WWTR1: variants seen among roughly 807,000 people sequenced by gnomAD.
The protein encoded by WWTR1 is WW domain containing transcription regulator 1, also known as WW domain-containing transcription regulator protein 1.
Under a neutral mutation model 40.1 loss-of-function variants are expected in WWTR1, and 13 were observed. That is an observed-to-expected ratio of 0.32 (90% CI 0.21 to 0.52). The LOEUF is 0.52. Ranked by LOEUF, WWTR1 falls within the 20% of genes least tolerant of loss-of-function variation. The probability of loss-of-function intolerance (pLI) is 0.97; values close to 1 mark genes in which losing one functional copy is unlikely to be tolerated. For missense variants in WWTR1, 436 were observed against 523.1 expected (o/e 0.83, Z 1.63); for synonymous variants, 230 against 210.1 (o/e 1.09, Z -0.82).
At chr3:149,625,336 T>C (rs1319629562) in intron 2 of WWTR1, among the ~76,000 whole-genome samples, 1 of 151,624 alleles carries the variant, frequency 6.6e-6, no homozygotes, top group Non-Finnish European at 1.5e-5. Context: ...GCCAGGATGG[T>C]CTCGATCTCC....
chr3:149,522,426 A>G (rs1404747341), intron 6 of WWTR1, among the ~76,000 whole-genome samples: 1 of 152,230 alleles, frequency 6.6e-6, no homozygotes, highest in Non-Finnish European at 1.5e-5. Flanking sequence ...GTAACATTTT[A>G]CAGTATTTTC....
intron 2 of WWTR1, among the ~76,000 whole-genome samples, chr3:149,607,203 A>T (rs917464424): frequency 2.0e-5 from 3 of 152,246 alleles, no homozygotes; most frequent in African/African-American, 7.2e-5. Flanking sequence ...GAATAAATGC[A>T]TGTGAAATCT....
At chr3:149,692,029 A>T (rs1239795419) in intron 1 of WWTR1, among the ~76,000 whole-genome samples, 1 of 152,042 alleles carries the variant, frequency 6.6e-6, no homozygotes, top group East Asian at 1.9e-4. Context: ...AAAAAAAATC[A>T]TTTAAAAAGA....
At chr3:149,581,996 T>G (rs1470258923) in intron 2 of WWTR1, among the ~76,000 whole-genome samples, 1 of 152,100 alleles carries the variant, frequency 6.6e-6, no homozygotes, top group South Asian at 2.1e-4. Context: ...CAGGGATTCA[T>G]TTACCAGAGT....
chr3:149,581,948 GATGAGCCAAATCAGGACTGTAATACCC>G (rs1738168581), intron 2 of WWTR1, among the ~76,000 whole-genome samples: 1 of 152,170 alleles, frequency 6.6e-6, no homozygotes, highest in African/African-American at 2.4e-5. Context: ...CCAAAGAGCA[GATGAGCCAAATCAGGACTGTAATACCC>G]GTGGTTCCTG....
upstream of WWTR1, among the ~76,000 whole-genome samples, chr3:149,662,109 T>TA (rs1295135922): frequency 6.6e-6 from 1 of 151,994 alleles, no homozygotes; most frequent in Non-Finnish European, 1.5e-5. Context: ...CATGGAGACC[T>TA]AAAGATAAGG....
At chr3:149,694,698 C>T (rs147662551) in intron 1 of WWTR1, among the ~76,000 whole-genome samples, 1 of 152,158 alleles carries the variant, frequency 6.6e-6, no homozygotes, top group African/African-American at 2.4e-5. Flanking sequence ...AAACGAGAAC[C>T]CTCATACACT....
intron 1 of WWTR1, among the ~76,000 whole-genome samples, chr3:149,691,122 A>G (rs1714813228): frequency 6.6e-6 from 1 of 152,008 alleles, no homozygotes; most frequent in African/African-American, 2.4e-5. Context: ...GAAACAAATA[A>G]AAATAAAAAC....
At position 149,527,842 on chromosome 3, in the gene WWTR1, A is replaced by T. The variant is rs1735393391; in HGVS notation, c.899T>A (p.Leu300His). Residue 300 changes from leucine (L) to histidine (H), a missense_variant, in exon 5 of 7, where the codon CTC (leucine) becomes CAC (histidine). By Grantham distance (99) the Leu-to-His change is moderately conservative. Transcript: ENST00000360632. ...CCCCCAAATATTAACTTACCCATTG[A>T]GGAAAGGATCTGAGCTATTATTAGT... ...SITNNSSDPF[L>H]NGGPYHSREQ... The T allele has an allele frequency of 7.4e-6, 12 of 1,613,950 alleles. No individual in the cohort carries two copies. Among genetic ancestry groups the T allele is most frequent in the Non-Finnish European group, 9.3e-6 (11 of 1,180,012 alleles).
rs185391597 is a variant in WWTR1 at position 149,628,226 on chromosome 3, T to C, written c.431+28650A>G. 8.5e-4 allele frequency among the ~76,000 whole-genome samples: 128 copies of C among 150,764 alleles called. 1 individual carries two copies. In the East Asian group the frequency reaches 0.015, roughly 18 times the overall value. ...CCTATTAAAAATACAAAAAATTAGC[T>C]GGGCGTGGTGGCGGGCGCCTGTAGT... is the stretch of plus-strand genomic sequence containing the variant. On this transcript the variant is annotated intron_variant, in intron 2 of 6. Transcript: ENST00000360632.
At chr3:149,611,415 A>G (rs1436871325) in intron 2 of WWTR1, among the ~76,000 whole-genome samples, 3 of 152,202 alleles carry the variant, frequency 2.0e-5, no homozygotes, top group African/African-American at 7.2e-5. Context: ...GGCACAGTTG[A>G]GTGGAAGCAA....
chr3:149,709,276 T>G lies in WWTR1; in HGVS notation n.585-5948A>C, dbSNP rs1222125775. On this transcript the variant is annotated intron_variant and non_coding_transcript_variant, in intron 5 of 6. Coordinates refer to the WWTR1 transcript ENST00000474080. ...AGGTGTGGGCCATCATGTCTGGCCT[T>G]TTTTTTTTTTTTAAACAATAACCAT... is the stretch of plus-strand genomic sequence containing the variant. 7.6e-4 allele frequency among the ~76,000 whole-genome samples: 3 copies of G among 3,952 alleles called. No homozygotes were observed. The African/African-American group carries it at 0.019, about 24-fold the overall frequency. 2.6% of individuals were successfully genotyped at this position (3,952 alleles called of 152,430 possible).
At chr3:149,616,677 G>C (rs1211255594) in intron 2 of WWTR1, among the ~76,000 whole-genome samples, 12 of 152,116 alleles carry the variant, frequency 7.9e-5, no homozygotes, top group Admixed American at 7.9e-4. Context: ...CCCAACCTCA[G>C]GTGATCTGCC....
At chr3:149,548,343 A>T (rs899831792) in intron 3 of WWTR1, among the ~76,000 whole-genome samples, 2 of 152,184 alleles carry the variant, frequency 1.3e-5, no homozygotes, top group African/African-American at 4.8e-5. Flanking sequence ...GCTGCAGACG[A>T]TGAGGGAGGC....
chr3:149,553,870 G>C (rs1265968777), intron 3 of WWTR1, among the ~76,000 whole-genome samples: 1 of 152,020 alleles, frequency 6.6e-6, no homozygotes, highest in Non-Finnish European at 1.5e-5. Flanking sequence ...GAAAACATAT[G>C]TCTACAGAGG....
At chr3:149,705,028 CTT>C (rs948858906), upstream of WWTR1, among the ~76,000 whole-genome samples, 7 of 151,970 alleles carry the variant, frequency 4.6e-5, no homozygotes, top group African/African-American at 1.7e-4. Flanking sequence ...AAAAATAACT[CTT>C]AGAAATTTGA....
intron 2 of WWTR1, among the ~76,000 whole-genome samples, chr3:149,627,375 G>T (rs1405845305): frequency 6.6e-6 from 1 of 152,092 alleles, no homozygotes; most frequent in African/African-American, 2.4e-5. Flanking sequence ...AATTTATGCT[G>T]AACAATGAAA....
At chr3:149,626,218 G>A (rs1740537604) in intron 2 of WWTR1, among the ~76,000 whole-genome samples, 1 of 152,118 alleles carries the variant, frequency 6.6e-6, no homozygotes, top group Non-Finnish European at 1.5e-5. Context: ...TTGCAAATAA[G>A]TTAATCCCAC....
At position 149,628,889 on chromosome 3, in the gene WWTR1, T is replaced by G. The variant is rs528321351; in HGVS notation, c.431+27987A>C. Among the ~76,000 whole-genome samples, 11 of 151,996 alleles carry G rather than the reference T, an allele frequency of 7.2e-5. No individual in the cohort carries two copies. In the East Asian group the frequency reaches 2.1e-3, roughly 29 times the overall value. On this transcript the variant is annotated intron_variant, in intron 2 of 6. Coordinates refer to ENST00000360632, the MANE Select transcript of WWTR1 (RefSeq NM_015472.6). The stretch of plus-strand genomic sequence containing the variant: ...CCCAGGCTCATGTGATCTTCCCACC[T>G]CAGCCTCCTGAGTAGCTGGGACCAC...
Sources: gnomAD v4.1 joint callset for allele counts (sites outside exome capture counted in the v4.1 genomes callset) on GRCh38, gnomAD v4.1.1 for gene constraint, MANE v1.5 for transcripts, NCBI Gene and HGNC (gene_info 2026-07-23, HGNC 2026-07-21) for gene names.